Variants in ATP11C observed in about 807,000 individuals in gnomAD.
ATP11C encodes ATPase phospholipid transporting 11C (ATP11C blood group), also known as phospholipid-transporting ATPase IG.
ATP11C carries 36 observed loss-of-function variants against 97.4 expected under a neutral mutation model. The ratio of observed to expected loss-of-function variants is 0.37; its 90% CI spans 0.28 to 0.49. The LOEUF (loss-of-function observed/expected upper bound fraction) is 0.49, where lower values mean the gene tolerates loss of function less well. Ranked by LOEUF, ATP11C falls within the 20% of genes least tolerant of loss-of-function variation. The pLI is 0.98. For missense variants in ATP11C, 730 were observed against 824.6 expected, an observed-to-expected ratio of 0.89 and a Z score of 1.40; for synonymous variants, 275 against 290.9, an observed-to-expected ratio of 0.95 and a Z score of 0.56.
At chrX:139,833,406 G>A (rs1211888656) in intron 1 of ATP11C, among the ~76,000 whole-genome samples, 1 of 111,623 alleles carries the variant, frequency 9.0e-6, no homozygotes, top group Non-Finnish European at 1.9e-5. Context: ...TCGGGGCGGG[G>A]GGCGCATTCT....
At chrX:139,732,255 T>C (rs1247436610) in intron 28 of ATP11C, among the ~76,000 whole-genome samples, 1 of 110,951 alleles carries the variant, frequency 9.0e-6, no homozygotes, top group Non-Finnish European at 1.9e-5. Context: ...AAAAATTACT[T>C]CCTCTCCAGT....
chrX:139,884,960 C>T (rs66506905), intron 1 of ATP11C, among the ~76,000 whole-genome samples: 9,545 of 111,140 alleles, frequency 0.086, 582 homozygotes, highest in East Asian at 0.29. Flanking sequence ...TGTAAATGTT[C>T]TACATTTCAA....
chrX:139,912,629 A>G (rs774562395), intron 1 of ATP11C, among the ~76,000 whole-genome samples: 2 of 111,602 alleles, frequency 1.8e-5, no homozygotes, highest in East Asian at 2.8e-4. Context: ...TGAGGTACAT[A>G]TTAGGAAATA....
chrX:139,899,153 T>C (rs1417711917), intron 1 of ATP11C, among the ~76,000 whole-genome samples: 3 of 111,206 alleles, frequency 2.7e-5, no homozygotes, highest in Non-Finnish European at 3.8e-5. Flanking sequence ...GAAACTGTCA[T>C]AGCCAAGAAG....
intron 20 of ATP11C, among the ~76,000 whole-genome samples, chrX:139,765,097 T>C (rs2082109624): frequency 9.0e-6 from 1 of 110,721 alleles, no homozygotes; most frequent in Admixed American, 9.6e-5. Context: ...CTCTCCACTG[T>C]AGAAAGATAA....
At chrX:139,931,088 C>T (rs928088071) in intron 1 of ATP11C, among the ~76,000 whole-genome samples, 1 of 111,980 alleles carries the variant, frequency 8.9e-6, no homozygotes, top group Non-Finnish European at 1.9e-5. Flanking sequence ...CCACCTCTTG[C>T]AATTAAGGAA....
intron 1 of ATP11C, among the ~76,000 whole-genome samples, chrX:139,851,262 G>A (rs7055312): frequency 0.058 from 6,520 of 112,084 alleles, 440 homozygotes; most frequent in African/African-American, 0.2. Context: ...CATGGCTCAA[G>A]GGAGCCCAGG....
chrX:139,781,462 C>T (rs1012534264), intron 18 of ATP11C, among the ~76,000 whole-genome samples: 1 of 112,282 alleles, frequency 8.9e-6, no homozygotes, highest in Admixed American at 9.4e-5. Context: ...GCCTGTAATC[C>T]CAACACTTTC....
At chrX:139,748,525 G>T (rs1174599004) in intron 24 of ATP11C, among the ~76,000 whole-genome samples, 1 of 111,679 alleles carries the variant, frequency 9.0e-6, no homozygotes, top group Non-Finnish European at 1.9e-5. Context: ...GTTGAATTCT[G>T]ATCTTCATTT....
chrX:139,893,511 T>C (rs1410837304), intron 1 of ATP11C, among the ~76,000 whole-genome samples: 3 of 112,315 alleles, frequency 2.7e-5, no homozygotes, highest in Non-Finnish European at 3.8e-5. Flanking sequence ...TCCCCAACTA[T>C]ATATGAAACG....
chrX:139,768,507 A>T (rs985446949), intron 19 of ATP11C, 73 bp from the exon 20 acceptor site: 56 of 801,992 alleles, frequency 7.0e-5, no homozygotes, highest in Middle Eastern at 1.0e-3. Context: ...TTTTTTTTAA[A>T]CAACAAAGGG....
chrX:139,732,334 TATAAA>T (rs1211062953), intron 28 of ATP11C: 1 of 232,535 alleles, frequency 4.3e-6, no homozygotes, highest in Admixed American at 4.8e-5. Context: ...CAATAGAAGA[TATAAA>T]ATGAGTCATG....
At chrX:139,895,725 G>A (rs757728586) in intron 1 of ATP11C, among the ~76,000 whole-genome samples, 5 of 111,831 alleles carry the variant, frequency 4.5e-5, no homozygotes, top group Admixed American at 9.5e-5. Context: ...GTTAATTTTT[G>A]TCTATTTGGC....
At chrX:139,757,150 TG>T (rs1282586747) in intron 23 of ATP11C, among the ~76,000 whole-genome samples, 2 of 110,884 alleles carry the variant, frequency 1.8e-5, no homozygotes, top group African/African-American at 6.5e-5. Flanking sequence ...TAGCTCAGTT[TG>T]GCAAAATCAC....
At chrX:139,779,291 T>C (rs1219355001) in intron 18 of ATP11C, among the ~76,000 whole-genome samples, 2 of 112,365 alleles carry the variant, frequency 1.8e-5, no homozygotes, top group African/African-American at 6.5e-5. Context: ...TACATTTTTC[T>C]CATCTGTGCA....
chrX:139,879,520 G>C (rs1280973738), intron 1 of ATP11C, among the ~76,000 whole-genome samples: 1 of 111,148 alleles, frequency 9.0e-6, no homozygotes, highest in Non-Finnish European at 1.9e-5. Context: ...AAGGGGGTGA[G>C]ATAGGAAAAT....
At chrX:139,857,350 T>A (rs767631380) in intron 1 of ATP11C, among the ~76,000 whole-genome samples, 1 of 112,115 alleles carries the variant, frequency 8.9e-6, no homozygotes, top group East Asian at 2.8e-4. Context: ...AGTTCTAAAT[T>A]TCTTTTCAAA....
chrX:139,822,575 G>A (rs764717774), intron 2 of ATP11C, among the ~76,000 whole-genome samples: 305 of 110,997 alleles, frequency 2.7e-3, no homozygotes, highest in African/African-American at 9.5e-3. Context: ...CAACACACCC[G>A]GCTAATTTTT....
intron 22 of ATP11C, among the ~76,000 whole-genome samples, chrX:139,758,303 C>T (rs1489766613): frequency 4.4e-5 from 5 of 112,453 alleles, no homozygotes; most frequent in Admixed American, 1.9e-4. Flanking sequence ...TATCAACTAA[C>T]GCTTTAATGC....
Sources: gnomAD v4.1 joint callset for allele counts (sites outside exome capture counted in the v4.1 genomes callset) on GRCh38, gnomAD v4.1.1 for gene constraint, MANE v1.5 for transcripts, NCBI Gene and HGNC (gene_info 2026-07-23, HGNC 2026-07-21) for gene names.